Variants in LMBR1 observed in about 807,000 individuals in gnomAD.
LMBR1 encodes limb region 1 protein homolog.
LMBR1 carries 52 observed loss-of-function variants against 73.9 expected under a neutral mutation model. That is an observed-to-expected ratio of 0.70 (90% CI 0.56 to 0.89). The LOEUF (loss-of-function observed/expected upper bound fraction) is 0.89. Ranked by LOEUF, LMBR1 falls within the 40% of genes least tolerant of loss-of-function variation. LMBR1 has a pLI of 0.00. For missense variants in LMBR1, 539 were observed against 579.8 expected (o/e 0.93, Z 0.72); for synonymous variants, 215 against 209.4 (o/e 1.03, Z -0.23).
intron 15 of LMBR1, among the ~76,000 whole-genome samples, chr7:156,705,090 G>A (rs1396276546): frequency 6.6e-6 from 1 of 152,116 alleles, no homozygotes; most frequent in African/African-American, 2.4e-5. Context: ...GAGGTCCAGT[G>A]GTCCATGAAA....
intron 15 of LMBR1, among the ~76,000 whole-genome samples, chr7:156,720,114 TTAAAC>T (rs1281263274): frequency 5.3e-5 from 8 of 151,422 alleles, no homozygotes; most frequent in African/African-American, 1.9e-4. Flanking sequence ...TGGGATCTAA[TTAAAC>T]TAAAGAGCTT....
chr7:156,743,135 A>T (rs1389720861), intron 9 of LMBR1, among the ~76,000 whole-genome samples: 1 of 152,172 alleles, frequency 6.6e-6, no homozygotes, highest in Non-Finnish European at 1.5e-5. Context: ...AGGATTTCCA[A>T]TCAATTCTCT....
intron 15 of LMBR1, among the ~76,000 whole-genome samples, chr7:156,718,941 A>T (rs1813837135): frequency 1.3e-5 from 2 of 151,972 alleles, no homozygotes; most frequent in South Asian, 4.2e-4. Context: ...AACTACTAGA[A>T]GAAAACAGGG....
At chr7:156,711,854 G>A (rs976505059) in intron 15 of LMBR1, among the ~76,000 whole-genome samples, 7 of 152,120 alleles carry the variant, frequency 4.6e-5, no homozygotes, top group Non-Finnish European at 8.8e-5. Context: ...ATCAACTCAA[G>A]ATGGATTAAA....
At chr7:156,703,296 G>C (rs1371683627) in intron 15 of LMBR1, among the ~76,000 whole-genome samples, 1 of 152,180 alleles carries the variant, frequency 6.6e-6, no homozygotes, top group African/African-American at 2.4e-5. Context: ...TTGAGTAGGG[G>C]AAGAACTCCT....
Position 156,679,536 on chromosome 7 carries a change from T to C in LMBR1, c.*4542A>G, listed in dbSNP as rs1804652206. ...CAGCAGTATCAAATATGCTTGGTTC[T>C]GAAGTGTCAGTGTTTGTAAGCGGCA... On this transcript the variant is annotated 3_prime_UTR_variant, in exon 17 of 17. Coordinates refer to ENST00000353442, the MANE Select transcript of LMBR1 (RefSeq NM_022458.4). 1 of 152,238 alleles carries C rather than the reference T, an allele frequency of 6.6e-6. No individual in the cohort carries two copies. The highest frequency in any genetic ancestry group is 2.4e-5 in the African/African-American group (1 of 41,446). 9.4% of individuals were successfully genotyped at this position (152,238 alleles called of 1,614,324 possible). A position where few individuals can be genotyped will look rare whatever the true frequency, so the allele number is the denominator to read the frequency against.
intron 4 of LMBR1, among the ~76,000 whole-genome samples, chr7:156,810,158 A>G (rs1041552623): frequency 2.6e-5 from 4 of 152,182 alleles, no homozygotes; most frequent in African/African-American, 9.6e-5. Context: ...GGAGGGCCTC[A>G]AGCTGCTTCC....
intron 5 of LMBR1, among the ~76,000 whole-genome samples, chr7:156,787,508 T>A (rs866363208): frequency 8.5e-5 from 13 of 152,184 alleles, no homozygotes; most frequent in Admixed American, 6.5e-4. Context: ...ACATATATAA[T>A]CAGGCTCAAA....
At chr7:156,795,948 C>T (rs1212631992) in intron 5 of LMBR1, among the ~76,000 whole-genome samples, 1 of 152,122 alleles carries the variant, frequency 6.6e-6, no homozygotes, top group Non-Finnish European at 1.5e-5. Flanking sequence ...GTTTGACTGC[C>T]AGAGTCATTC....
At chr7:156,811,545 GT>G (rs1833102219) in intron 4 of LMBR1, among the ~76,000 whole-genome samples, 1 of 151,990 alleles carries the variant, frequency 6.6e-6, no homozygotes, top group Admixed American at 6.6e-5. Context: ...GGAGGCGGAG[GT>G]TGCAGTGAGC....
chr7:156,763,092 T>C lies in LMBR1; in HGVS notation c.619+16A>G. On this transcript the variant is annotated intron_variant, in intron 7 of 16. Coordinates refer to ENST00000353442, the MANE Select transcript of LMBR1 (RefSeq NM_022458.4). ...ACTCTACTTTTCTCTTAATATCAAG[T>C]CTGAAAAATACTTACAGAGAAGTAA... 1.6e-6 allele frequency: 2 copies of C among 1,256,584 alleles called. No homozygotes were observed. Among genetic ancestry groups the C allele is most frequent in the Non-Finnish European group, 2.3e-6 (2 of 881,994 alleles). 77.8% of individuals were successfully genotyped at this position (1,256,584 alleles called of 1,614,324 possible).
intron 1 of LMBR1, among the ~76,000 whole-genome samples, chr7:156,862,216 T>C (rs530243193): frequency 6.6e-6 from 1 of 152,316 alleles, no homozygotes; most frequent in Admixed American, 6.5e-5. Context: ...AGTCACATCT[T>C]ACATGGATGG....
chr7:156,821,861 A>G (rs528124362), intron 4 of LMBR1, among the ~76,000 whole-genome samples: 1 of 152,278 alleles, frequency 6.6e-6, no homozygotes, highest in South Asian at 2.1e-4. Flanking sequence ...TGGACCCAGC[A>G]CCTTCTACTC....
intron 9 of LMBR1, among the ~76,000 whole-genome samples, chr7:156,753,145 C>T (rs574383734): frequency 2.2e-4 from 33 of 152,088 alleles, no homozygotes; most frequent in Non-Finnish European, 4.0e-4. Flanking sequence ...GTCACAGGCA[C>T]GAGCGGGTGA....
intron 1 of LMBR1, among the ~76,000 whole-genome samples, chr7:156,840,429 G>GA (rs1433524100): frequency 6.6e-6 from 1 of 151,770 alleles, no homozygotes; most frequent in African/African-American, 2.4e-5. Context: ...GAGGCAGAGA[G>GA]AACAGTAGTG....
intron 1 of LMBR1, among the ~76,000 whole-genome samples, chr7:156,871,063 T>C (rs1297891121): frequency 2.0e-5 from 3 of 151,656 alleles, no homozygotes; most frequent in African/African-American, 7.3e-5. Flanking sequence ...AACCCTTAGC[T>C]AGACTAAGAA....
At position 156,767,045 on chromosome 7, in the gene LMBR1, T is replaced by C. The variant is rs140571273; in HGVS notation, c.424-3250A>G. Among the ~76,000 whole-genome samples, 39 of 152,312 alleles carry C rather than the reference T, an allele frequency of 2.6e-4. 1 individual carries two copies. In the East Asian group the frequency reaches 7.1e-3, roughly 28 times the overall value. The stretch of plus-strand genomic sequence containing the variant: ...ATGAAACGCGCCTTGCTTAACGGTG[T>C]GGGCCAGTCGCTTTTGCCATGCTCA... On this transcript the variant is annotated intron_variant, in intron 5 of 16. Coordinates refer to ENST00000353442, the MANE Select transcript of LMBR1 (RefSeq NM_022458.4).
chr7:156,693,505 T>C (rs1434138872), intron 15 of LMBR1, among the ~76,000 whole-genome samples: 2 of 152,110 alleles, frequency 1.3e-5, no homozygotes, highest in African/African-American at 2.4e-5. Flanking sequence ...TAAGGAACTA[T>C]TATGAACCAT....
At chr7:156,760,275 C>G (rs1563295488) in intron 8 of LMBR1, among the ~76,000 whole-genome samples, 1 of 152,016 alleles carries the variant, frequency 6.6e-6, no homozygotes, top group East Asian at 1.9e-4. Flanking sequence ...TAATAAGAGA[C>G]AAGTTAAGGA....
Sources: gnomAD v4.1 joint callset for allele counts (sites outside exome capture counted in the v4.1 genomes callset) on GRCh38, gnomAD v4.1.1 for gene constraint, MANE v1.5 for transcripts, NCBI Gene and HGNC (gene_info 2026-07-23, HGNC 2026-07-21) for gene names.